Variants in APLNR observed in about 807,000 individuals in gnomAD.
APLNR encodes the protein APJ (apelin) receptor.
Under a neutral mutation model 23.4 loss-of-function variants are expected in APLNR, and 13 were observed. The ratio of observed to expected loss-of-function variants is 0.56; its 90% CI spans 0.36 to 0.88. APLNR has a LOEUF of 0.88. APLNR is among the 40% of genes least tolerant of loss of function. APLNR has a pLI of 0.01. For synonymous variants in APLNR, 234 were observed against 211.9 expected, an observed-to-expected ratio of 1.10 and a Z score of -0.91; for missense variants, 480 against 517.1, an observed-to-expected ratio of 0.93 and a Z score of 0.70.
In APLNR at chr11:57,235,979, C is replaced by T. The variant is rs372800229; in HGVS notation, c.1026G>A (p.Lys342=). ...TGTGCCCCGAAGAGTAGCTGGCTGA[C>T]TTCTCCCCACTGCTGCTGTGGGAGG... The part of the protein sequence containing the change: ...AGTSHSSSGE[K]SASYSSGHSQ... Residue 342 remains lysine, a synonymous_variant, in exon 1 of 1, where the codon AAG becomes AAA. Transcript: ENST00000606794. The T allele has an allele frequency of 2.5e-5, 41 of 1,614,164 alleles. No individual in the cohort carries two copies. The highest frequency in any genetic ancestry group is 1.6e-4 in the Middle Eastern group (1 of 6,084).
rs1435270735 is a variant in APLNR at position 57,235,668 on chromosome 11, G to A, written c.*194C>T. On this transcript the variant is annotated 3_prime_UTR_variant, in exon 1 of 1. Coordinates refer to ENST00000606794, the MANE Select transcript of APLNR (RefSeq NM_005161.6). ...GCTTGTGCAGGGTCAGGTCTGTAGA[G>A]CCCAGTCTCTTTCCCCTAAACCACA... 1 of 644,468 alleles carries A rather than the reference G, an allele frequency of 1.6e-6. No homozygotes were observed. Among genetic ancestry groups the A allele is most frequent in the Admixed American group, 3.1e-5 (1 of 32,114 alleles). The allele number at this position is 644,468 out of a possible 1,614,324, so 39.9% of individuals were successfully genotyped here.
At position 57,236,307 on chromosome 11, in the gene APLNR, C is replaced by A. The variant is rs147193169; in HGVS notation, c.698G>T (p.Arg233Leu). Residue 233 changes from arginine (R) to leucine (L), a missense_variant, in exon 1 of 1, where the codon CGC becomes CTC. Transcript: ENST00000606794. ...CCGCAGGCCCTCGATGCGTTCCTTG[C>A]GGAAGTGGCCAGCGATGGTTTGGGC... is the stretch of plus-strand genomic sequence containing the variant. ...FIAQTIAGHF[R>L]KERIEGLRKR... 2 of 1,614,058 alleles carry A rather than the reference C, an allele frequency of 1.2e-6. No individual in the cohort carries two copies. Among genetic ancestry groups the A allele is most frequent in the Admixed American group, 1.7e-5 (1 of 60,016 alleles).
In APLNR at chr11:57,236,688, C is replaced by A; in HGVS notation, c.317G>T (p.Ser106Ile). Residue 106 changes from serine (S) to isoleucine (I), a missense_variant, in exon 1 of 1, where the codon AGC becomes ATC. By Grantham distance (142) the Ser-to-Ile change is moderately radical. Coordinates refer to ENST00000606794, the MANE Select transcript of APLNR (RefSeq NM_005161.6). ...PFGTFFCKLSSYLIFVNMYAS... is the reference protein window; with the variant it reads ...PFGTFFCKLSIYLIFVNMYAS... ...GTACATGTTGACGAAGATGAGGTAGCTGCTGAGCTTGCAGAAGAAGGTCCC... is the reference window on the plus strand; with the variant it reads ...GTACATGTTGACGAAGATGAGGTAGATGCTGAGCTTGCAGAAGAAGGTCCC... 6.2e-7 allele frequency: 1 copy of A among 1,611,532 alleles called. No homozygotes were observed. Among genetic ancestry groups the A allele is most frequent in the South Asian group, 1.1e-5 (1 of 91,062 alleles).
rs1855014338 is a variant in APLNR at position 57,236,423 on chromosome 11, C to T, written c.582G>A (p.Glu194=). ...CCCCAAGGCCCACCTCCCAGGCCCA[C>T]TCTGAGCTCACAGTGGCCACCATGG... ...DYSMVATVSS[E]WAWEVGLGVS... Residue 194 remains glutamate (E), a synonymous_variant, in exon 1 of 1, where the codon GAG becomes GAA. Transcript: ENST00000606794. 1 of 1,614,246 alleles carries T rather than the reference C, an allele frequency of 6.2e-7. No homozygotes were observed. Among genetic ancestry groups the T allele is most frequent in the East Asian group, 2.2e-5 (1 of 44,878 alleles).
rs373994970 is a variant in APLNR at position 57,237,026 on chromosome 11, G to T, written c.-22C>A. On this transcript the variant is annotated 5_prime_UTR_variant, in exon 1 of 1. Transcript: ENST00000606794. ...CCATGCTGGGGAGTGGAGAGAAGAC[G>T]GGCAGAGGGTCCCAGGGACACCAGC... 3.9e-6 allele frequency: 6 copies of T among 1,552,918 alleles called. No homozygotes were observed. In the African/African-American group the frequency reaches 4.1e-5, roughly 11 times the overall value.
In APLNR at chr11:57,236,307, CGGAA is replaced by C; in HGVS notation, c.694_697del (p.Phe232AlafsTer23). Reference sequence around the variant, plus strand: ...CCGCAGGCCCTCGATGCGTTCCTTGCGGAAGTGGCCAGCGATGGTTTGGGCGATG... The same window carrying C: ...CCGCAGGCCCTCGATGCGTTCCTTGCGTGGCCAGCGATGGTTTGGGCGATG... On this transcript the variant is annotated frameshift_variant, in exon 1 of 1. Coordinates refer to ENST00000606794, the MANE Select transcript of APLNR (RefSeq NM_005161.6). LOFTEE classifies it high-confidence loss of function. 1 of 1,614,176 alleles carries C rather than the reference CGGAA, an allele frequency of 6.2e-7. No individual in the cohort carries two copies. Among genetic ancestry groups the C allele is most frequent in the Non-Finnish European group, 8.5e-7 (1 of 1,180,022 alleles).
In APLNR at chr11:57,236,277, C is replaced by T. The variant is rs751878030; in HGVS notation, c.728G>A (p.Arg243Gln). Reference sequence around the variant, plus strand: ...CACGATGATGCTGAGCAGCCGGCGCCGCTTCCGCAGGCCCTCGATGCGTTC... The same window carrying T: ...CACGATGATGCTGAGCAGCCGGCGCTGCTTCCGCAGGCCCTCGATGCGTTC... ...RKERIEGLRK[R>Q]RRLLSIIVVL... Residue 243 changes from arginine to glutamine, a missense_variant, in exon 1 of 1, where the codon CGG becomes CAG. Coordinates refer to ENST00000606794, the MANE Select transcript of APLNR (RefSeq NM_005161.6). The T allele has an allele frequency of 1.2e-6, 2 of 1,614,138 alleles. No individual in the cohort carries two copies. Among genetic ancestry groups the T allele is most frequent in the East Asian group, 2.2e-5 (1 of 44,892 alleles).
chr11:57,236,849 G>A lies in APLNR; in HGVS notation c.156C>T (p.Thr52=), dbSNP rs747009504. 5.6e-6 allele frequency: 9 copies of A among 1,614,170 alleles called. No homozygotes were observed. Among genetic ancestry groups the A allele is most frequent in the East Asian group, 2.2e-5 (1 of 44,876 alleles). ...TCTTCTCCCGGCTGCTCCGAAACAC[G>A]GTCCAGAGCACCAGACCGTTGCCCG... ...GTTGNGLVLW[T]VFRSSREKRR... Residue 52 remains threonine (T), a synonymous_variant, in exon 1 of 1, where the codon ACC becomes ACT. Transcript: ENST00000606794.
At position 57,236,474 on chromosome 11, in the gene APLNR, AG is replaced by A; in HGVS notation, c.530del (p.Thr177IlefsTer15). On this transcript the variant is annotated frameshift_variant, in exon 1 of 1. Transcript: ENST00000606794. LOFTEE classifies it high-confidence loss of function. ...AGTAGTCCATGTAGCACTGCACCTT[AG>A]TGGTGTTCTCCAAGTCCCCGGTGGT... ...LRTTGDLENTTKVQCYMDYSM... is the reference protein window; with the variant it reads ...LRTTGDLENTXKVQCYMDYSM... 6.2e-7 allele frequency: 1 copy of A among 1,614,166 alleles called. No homozygotes were observed. The highest frequency in any genetic ancestry group is 2.2e-5 in the East Asian group (1 of 44,878).
At position 57,237,009 on chromosome 11, in the gene APLNR, G is replaced by C; in HGVS notation, c.-5C>G. 6.4e-7 allele frequency: 1 copy of C among 1,569,430 alleles called. No individual in the cohort carries two copies. Among genetic ancestry groups the C allele is most frequent in the East Asian group, 2.2e-5 (1 of 44,488 alleles). Reference sequence around the variant, plus strand: ...AAAATCACCACCTTCCTCCATGCTGGGGAGTGGAGAGAAGACGGGCAGAGG... The same window carrying C: ...AAAATCACCACCTTCCTCCATGCTGCGGAGTGGAGAGAAGACGGGCAGAGG... On this transcript the variant is annotated 5_prime_UTR_variant, in exon 1 of 1. Transcript: ENST00000606794.
Position 57,236,924 on chromosome 11 carries a change from C to G in APLNR, c.81G>C (p.Ser27=). 6.2e-7 allele frequency: 1 copy of G among 1,613,870 alleles called. No homozygotes were observed. Among genetic ancestry groups the G allele is most frequent in the Non-Finnish European group, 8.5e-7 (1 of 1,179,958 alleles). ...TGTAGATGGCAGGGATGAGGGCCCC[C>G]GAGGATTTCCAGTCTGTGTACTCAC... is the stretch of plus-strand genomic sequence containing the variant. ...SECEYTDWKS[S]GALIPAIYML... The change falls in exon 1 of 1, where the codon TCG becomes TCC. Residue 27 remains serine, a synonymous_variant. Transcript: ENST00000606794.
Position 57,236,374 on chromosome 11 carries a change from C to T in APLNR, c.631G>A (p.Val211Met). The change falls in exon 1 of 1, where the codon GTG (valine) becomes ATG (methionine). Residue 211 changes from valine to methionine, a missense_variant. By Grantham distance (21) the Val-to-Met change is conservative. Transcript: ENST00000606794. ...LGVSSTTVGF[V>M]VPFTIMLTCY... ...GTCAGCATGATGGTGAAGGGCACCA[C>T]AAAGCCCACGGTGGTGGACGAGACC... is the stretch of plus-strand genomic sequence containing the variant. 1 of 1,614,066 alleles carries T rather than the reference C, an allele frequency of 6.2e-7. No homozygotes were observed. Among genetic ancestry groups the T allele is most frequent in the Non-Finnish European group, 8.5e-7 (1 of 1,179,972 alleles).
chr11:57,237,026 G>C lies in APLNR; in HGVS notation c.-22C>G, dbSNP rs373994970. 9 of 1,553,036 alleles carry C rather than the reference G, an allele frequency of 5.8e-6. No homozygotes were observed. Among genetic ancestry groups the C allele is most frequent in the Non-Finnish European group, 7.8e-6 (9 of 1,149,806 alleles). On this transcript the variant is annotated 5_prime_UTR_variant, in exon 1 of 1. Coordinates refer to ENST00000606794, the MANE Select transcript of APLNR (RefSeq NM_005161.6). Reference sequence around the variant, plus strand: ...CCATGCTGGGGAGTGGAGAGAAGACGGGCAGAGGGTCCCAGGGACACCAGC... The same window carrying C: ...CCATGCTGGGGAGTGGAGAGAAGACCGGCAGAGGGTCCCAGGGACACCAGC...
Position 57,235,755 on chromosome 11 carries a change from T to C in APLNR, c.*107A>G, listed in dbSNP as rs1590544038. 1 of 1,292,324 alleles carries C rather than the reference T, an allele frequency of 7.7e-7. No individual in the cohort carries two copies. The highest frequency in any genetic ancestry group is 1.1e-6 in the Non-Finnish European group (1 of 941,236). 80.1% of individuals were successfully genotyped at this position (1,292,324 alleles called of 1,614,324 possible). A position where few individuals can be genotyped will look rare whatever the true frequency, so the allele number is the denominator to read the frequency against. On this transcript the variant is annotated 3_prime_UTR_variant, in exon 1 of 1. Transcript: ENST00000606794. Reference sequence around the variant, plus strand: ...GGGCGGGGCAGAATCAGGGGACAGTTAAAGGATGTGCATAGGACAAGGAGT... The same window carrying C: ...GGGCGGGGCAGAATCAGGGGACAGTCAAAGGATGTGCATAGGACAAGGAGT...
Position 57,236,152 on chromosome 11 carries a change from G to A in APLNR, c.853C>T (p.Leu285Phe), listed in dbSNP as rs1275880431. 3.1e-6 allele frequency: 5 copies of A among 1,614,160 alleles called. No homozygotes were observed. Among genetic ancestry groups the A allele is most frequent in the South Asian group, 1.1e-5 (1 of 91,080 alleles). ...TAGGGGAAGATGTTCATGAGGAAGA[G>A]GTCAAAGTCACAGGGCCAGTGCAGC... ...SLLHWPCDFDLFLMNIFPYCT... is the reference protein window; with the variant it reads ...SLLHWPCDFDFFLMNIFPYCT... The change falls in exon 1 of 1, where the codon CTC (leucine) becomes TTC (phenylalanine). Residue 285 changes from leucine to phenylalanine, a missense_variant. Physicochemically the swap from Leu to Phe is conservative, Grantham distance 22. Coordinates refer to ENST00000606794, the MANE Select transcript of APLNR (RefSeq NM_005161.6).
chr11:57,235,841 G>A lies in APLNR; in HGVS notation c.*21C>T, dbSNP rs1380399789. On this transcript the variant is annotated 3_prime_UTR_variant, in exon 1 of 1. Transcript: ENST00000606794. ...AGGCCGGGGAGGGCCGAGGGCGCCA[G>A]GCTTCTCTCTGCTCCCAGCCCTAGT... is the stretch of plus-strand genomic sequence containing the variant. 2 of 1,576,410 alleles carry A rather than the reference G, an allele frequency of 1.3e-6. No homozygotes were observed. Among genetic ancestry groups the A allele is most frequent in the Non-Finnish European group, 1.7e-6 (2 of 1,162,574 alleles).
In APLNR at chr11:57,235,744, CA is replaced by C. The variant is rs1854999079; in HGVS notation, c.*117del. The C allele has an allele frequency of 8.3e-7, 1 of 1,202,574 alleles. No homozygotes were observed. The highest frequency in any genetic ancestry group is 1.5e-5 in the African/African-American group (1 of 65,760). 74.5% of individuals were successfully genotyped at this position (1,202,574 alleles called of 1,614,324 possible). ...AGAGGAGGACAGGGCGGGGCAGAAT[CA>C]GGGGACAGTTAAAGGATGTGCATAG... On this transcript the variant is annotated 3_prime_UTR_variant, in exon 1 of 1. Transcript: ENST00000606794.
rs1018672633 is a variant in APLNR, at chr11:57,233,983, G to A, written c.*1879C>T. The A allele has an allele frequency of 6.6e-6, 1 of 152,196 alleles. No homozygotes were observed. Among genetic ancestry groups the A allele is most frequent in the Non-Finnish European group, 1.5e-5 (1 of 68,074 alleles). The allele number at this position is 152,196 out of a possible 1,614,324, so 9.4% of individuals were successfully genotyped here. On this transcript the variant is annotated 3_prime_UTR_variant, in exon 1 of 1. Coordinates refer to ENST00000606794, the MANE Select transcript of APLNR (RefSeq NM_005161.6). ...GGGTCAAGATGTCCATTCACATCAA[G>A]CTGGGCTTTTCTTATCTCCATCGCT...
chr11:57,237,016 G>A lies in APLNR; in HGVS notation c.-12C>T. ...CCACCTTCCTCCATGCTGGGGAGTG[G>A]AGAGAAGACGGGCAGAGGGTCCCAG... On this transcript the variant is annotated 5_prime_UTR_variant, in exon 1 of 1. Coordinates refer to ENST00000606794, the MANE Select transcript of APLNR (RefSeq NM_005161.6). 6.4e-7 allele frequency: 1 copy of A among 1,560,802 alleles called. No homozygotes were observed. The highest frequency in any genetic ancestry group is 8.7e-7 in the Non-Finnish European group (1 of 1,152,892).
Sources: allele counts gnomAD v4.1 joint callset, GRCh38; gene constraint gnomAD v4.1.1; transcripts MANE v1.5; gene names NCBI Gene and HGNC (gene_info 2026-07-23, HGNC 2026-07-21).